The following PLCG2 variants were observed in gnomAD, a reference collection of about 807,000 sequenced individuals.
The protein encoded by PLCG2 is phospholipase C gamma 2.
A neutral mutation model predicts 175.6 loss-of-function variants in PLCG2; 69 were observed. The observed-to-expected ratio is 0.39, with a 90% CI of 0.32 to 0.48. PLCG2 has a LOEUF of 0.48. Ranked by LOEUF, PLCG2 falls within the 20% of genes least tolerant of loss-of-function variation. The probability of loss-of-function intolerance (pLI) is 0.91; values close to 1 mark genes in which losing one functional copy is unlikely to be tolerated. For missense variants in PLCG2, 1,798 were observed against 1,650.9 expected (o/e 1.09, Z -1.54); for synonymous variants, 827 against 624.0 (o/e 1.33, Z -4.85).
chr16:81,821,975 A>C (rs993892692), intron 2 of PLCG2, among the ~76,000 whole-genome samples: 1 of 151,884 alleles, frequency 6.6e-6, no homozygotes, highest in Non-Finnish European at 1.5e-5. Context: ...CAAATTCCTT[A>C]ACTTCGCTGA....
At chr16:81,933,251 A>G (rs1307662177) in intron 25 of PLCG2, among the ~76,000 whole-genome samples, 1 of 152,214 alleles carries the variant, frequency 6.6e-6, no homozygotes, top group African/African-American at 2.4e-5. Context: ...AAACTGGGAC[A>G]GTAGAGTTGA....
At chr16:81,769,515 G>C (rs552157308) in intron 2 of PLCG2, among the ~76,000 whole-genome samples, 25 of 152,082 alleles carry the variant, frequency 1.6e-4, no homozygotes, top group Non-Finnish European at 2.9e-4. Context: ...ATAATTCTAG[G>C]TCTTGAAAAA....
intron 8 of PLCG2, among the ~76,000 whole-genome samples, chr16:81,882,300 G>C (rs574392356): frequency 1.3e-5 from 2 of 152,260 alleles, no homozygotes; most frequent in African/African-American, 2.4e-5. Context: ...TCGGAGTGTA[G>C]TGTTCCCTAG....
chr16:81,913,069 C>G (rs1303736983), intron 19 of PLCG2, among the ~76,000 whole-genome samples: 1 of 152,170 alleles, frequency 6.6e-6, no homozygotes, highest in Non-Finnish European at 1.5e-5. Flanking sequence ...GGCTGGGATT[C>G]GAGCCCAGAC....
chr16:81,909,613 C>T lies in PLCG2; in HGVS notation c.1734-907C>T, dbSNP rs940482379. Among the ~76,000 whole-genome samples, 9 of 152,304 alleles carry T rather than the reference C, an allele frequency of 5.9e-5. No homozygotes were observed. In the South Asian group the frequency reaches 1.9e-3, roughly 32 times the overall value. Reference sequence around the variant, plus strand: ...TAAATTTTTTGTAGAGCTGGAGTCTCACTACGTTGCCCAGGCTGGTTTTGA... The same window carrying T: ...TAAATTTTTTGTAGAGCTGGAGTCTTACTACGTTGCCCAGGCTGGTTTTGA... On this transcript the variant is annotated intron_variant, in intron 17 of 32. Transcript: ENST00000564138.
At chr16:81,783,261 G>A (rs1041454543) in intron 1 of PLCG2, 1 of 309,418 alleles carries the variant, frequency 3.2e-6, no homozygotes, top group African/African-American at 2.2e-5. Flanking sequence ...CTCTGTGGTT[G>A]GCAGCTGGGT....
chr16:81,773,548 T>C (rs1057123611), intron 2 of PLCG2, among the ~76,000 whole-genome samples: 2 of 152,210 alleles, frequency 1.3e-5, no homozygotes, highest in Non-Finnish European at 2.9e-5. Flanking sequence ...TTGTACACTA[T>C]TGCTCTTGGC....
intron 22 of PLCG2, among the ~76,000 whole-genome samples, chr16:81,925,680 G>C (rs1317944371): frequency 6.6e-6 from 1 of 152,160 alleles, no homozygotes; most frequent in Non-Finnish European, 1.5e-5. Flanking sequence ...TTGAGGTCAG[G>C]AGTTTGAGAC....
chr16:81,793,246 C>G (rs1343857286), intron 2 of PLCG2, among the ~76,000 whole-genome samples: 1 of 152,140 alleles, frequency 6.6e-6, no homozygotes, highest in African/African-American at 2.4e-5. Flanking sequence ...AGCTGGTTGT[C>G]TGTGAATGTC....
intron 9 of PLCG2, among the ~76,000 whole-genome samples, chr16:81,888,167 T>C (rs186254961): frequency 2.0e-4 from 31 of 152,234 alleles, no homozygotes; most frequent in South Asian, 2.1e-4. Flanking sequence ...GAGATGACCA[T>C]AGGAGGAAGA....
At position 81,833,144 on chromosome 16, in the gene PLCG2, G is replaced by C. The variant is rs540102881; in HGVS notation, c.194-21300G>C. On this transcript the variant is annotated intron_variant, in intron 2 of 32. Coordinates refer to ENST00000564138, the MANE Select transcript of PLCG2 (RefSeq NM_002661.5). ...CTCGCAGAACCCATTCCTTCCCTGAGTCTGGTCTGTGAGAAGAGCCCACAG... is the reference window on the plus strand; with the variant it reads ...CTCGCAGAACCCATTCCTTCCCTGACTCTGGTCTGTGAGAAGAGCCCACAG... Among the ~76,000 whole-genome samples the C allele has an allele frequency of 2.0e-5, 3 of 152,250 alleles. No individual in the cohort carries two copies. The East Asian group carries it at 5.8e-4, about 29-fold the overall frequency.
At chr16:81,782,066 C>T (rs568283471) in intron 1 of PLCG2, among the ~76,000 whole-genome samples, 4 of 152,066 alleles carry the variant, frequency 2.6e-5, no homozygotes, top group South Asian at 4.2e-4. Context: ...TTAGTAGAGA[C>T]GGGGTTTCAT....
intron 31 of PLCG2, among the ~76,000 whole-genome samples, chr16:81,949,642 G>A (rs188685162): frequency 2.0e-4 from 30 of 152,292 alleles, no homozygotes; most frequent in African/African-American, 7.0e-4. Context: ...TTTTAGATAG[G>A]GAGGTGAAGA....
intron 2 of PLCG2, among the ~76,000 whole-genome samples, chr16:81,796,831 T>A (rs1162825445): frequency 6.6e-6 from 1 of 152,144 alleles, no homozygotes; most frequent in African/African-American, 2.4e-5. Flanking sequence ...GGACTTCTGG[T>A]CTCCAGAACT....
intron 22 of PLCG2, among the ~76,000 whole-genome samples, chr16:81,924,077 C>G (rs1229643750): frequency 6.6e-6 from 1 of 152,214 alleles, no homozygotes; most frequent in African/African-American, 2.4e-5. Context: ...TCCATAGTCC[C>G]GTGCTGTGTG....
At position 81,859,135 on chromosome 16, in the gene PLCG2, T is replaced by A; in HGVS notation, c.451T>A (p.Tyr151Asn). 6.3e-7 allele frequency: 1 copy of A among 1,597,438 alleles called. No individual in the cohort carries two copies. Among genetic ancestry groups the A allele is most frequent in the Non-Finnish European group, 8.6e-7 (1 of 1,164,796 alleles). Residue 151 changes from tyrosine (Y) to asparagine (N), a missense_variant, in exon 5 of 33, where the codon TAT becomes AAT. Transcript: ENST00000564138. ...TTCCAGTTGGCTGAGAAAGCAGATA[T>A]ATTCTGTGGATCAAACCAGAAGAAA... ...IIESWLRKQIYSVDQTRRNSI... is the reference protein window; with the variant it reads ...IIESWLRKQINSVDQTRRNSI...
intron 2 of PLCG2, among the ~76,000 whole-genome samples, chr16:81,773,426 G>T (rs184718022): frequency 6.4e-4 from 97 of 152,284 alleles, no homozygotes; most frequent in Admixed American, 1.1e-3. Context: ...TGCAGATTGG[G>T]AAACTGAGGC....
intron 5 of PLCG2, among the ~76,000 whole-genome samples, chr16:81,865,193 C>T (rs1907168778): frequency 6.6e-6 from 1 of 152,132 alleles, no homozygotes; most frequent in African/African-American, 2.4e-5. Context: ...TGGACTGGGT[C>T]AGAGCTGGCT....
At chr16:81,822,895 C>T (rs565392860) in intron 2 of PLCG2, among the ~76,000 whole-genome samples, 44 of 152,192 alleles carry the variant, frequency 2.9e-4, no homozygotes, top group African/African-American at 8.7e-4. Flanking sequence ...CGATTGCAGG[C>T]GGCCACTGCA....
Sources: allele counts gnomAD v4.1 joint callset (sites outside exome capture counted in the v4.1 genomes callset), GRCh38; gene constraint gnomAD v4.1.1; transcripts MANE v1.5; gene names NCBI Gene and HGNC (gene_info 2026-07-23, HGNC 2026-07-21).